Variants in CYP27C1 observed in about 807,000 individuals in gnomAD.
CYP27C1 encodes the protein cytochrome P450 family 27 subfamily C member 1.
Under a neutral mutation model 40.6 loss-of-function variants are expected in CYP27C1, and 29 were observed. The observed-to-expected ratio is 0.71, with a 90% confidence interval of 0.53 to 0.97. CYP27C1 has a LOEUF of 0.97. Ranked by LOEUF, CYP27C1 falls within the 50% of genes least tolerant of loss-of-function variation. The pLI is 0.00. For missense variants in CYP27C1, 390 were observed against 485.8 expected (o/e 0.80, Z 1.85); for synonymous variants, 198 against 186.8 (o/e 1.06, Z -0.49).
At position 127,195,364 on chromosome 2, in the gene CYP27C1, C is replaced by G; in HGVS notation, c.1185G>C (p.Leu395=). The G allele has an allele frequency of 6.2e-7, 1 of 1,614,156 alleles. No individual in the cohort carries two copies. The highest frequency in any genetic ancestry group is 1.1e-5 in the South Asian group (1 of 91,074). ...GGGTTTCCTTAAGGAGAGCTCTGACCAGCGGGACCTTGGGGACATCAGCTG... is the reference window on the plus strand; with the variant it reads ...GGGTTTCCTTAAGGAGAGCTCTGACGAGCGGGACCTTGGGGACATCAGCTG... The part of the protein sequence containing the change: ...PTAADVPKVP[L]VRALLKETLR... Residue 395 remains leucine, a synonymous_variant, in exon 6 of 9, where the codon CTG becomes CTC. Coordinates refer to ENST00000664447, the MANE Select transcript of CYP27C1 (RefSeq NM_001367502.1). This position sits in a 1 kb window ranked among gnomAD's most constrained non-coding sequence, Gnocchi z 6.2.
At position 127,200,777 on chromosome 2, in the gene CYP27C1, A is replaced by G. The variant is rs1683013564; in HGVS notation, c.883+345T>C. ...GGAATTCAAGACCAGCCTGGCCAAC[A>G]TGGTGAAACCCCATCTCTACTAAAA... On this transcript the variant is annotated intron_variant, in intron 4 of 8. Transcript: ENST00000664447. This position sits in a 1 kb window ranked among gnomAD's most constrained non-coding sequence, Gnocchi z 4.2. Among the ~76,000 whole-genome samples the G allele has an allele frequency of 6.6e-6, 1 of 152,142 alleles. No individual in the cohort carries two copies. Among genetic ancestry groups the G allele is most frequent in the Admixed American group, 6.5e-5 (1 of 15,270 alleles).
rs1682603937 is a variant in CYP27C1 at position 127,185,499 on chromosome 2, G to C, written c.*1772C>G. 6.6e-6 allele frequency: 1 copy of C among 152,132 alleles called. No homozygotes were observed. 9.4% of individuals were successfully genotyped at this position (152,132 alleles called of 1,614,324 possible). A position where few individuals can be genotyped will look rare whatever the true frequency, so the allele number is the denominator to read the frequency against. On this transcript the variant is annotated 3_prime_UTR_variant, in exon 9 of 9. Transcript: ENST00000664447. This position sits in a 1 kb window ranked among gnomAD's most constrained non-coding sequence, Gnocchi z 4.9. The stretch of plus-strand genomic sequence containing the variant: ...CTCAAACAGAATGCAATTTCATCTA[G>C]TTTATAAAACTTAATATACGTATAC...
chr2:127,217,155 A>C (rs1457115781), intron 1 of CYP27C1, among the ~76,000 whole-genome samples: 1 of 152,216 alleles, frequency 6.6e-6, no homozygotes, highest in Admixed American at 6.5e-5. Flanking sequence ...GAAATGATAC[A>C]GATAGTTTTC....
Position 127,195,439 on chromosome 2 carries a change from C to T in CYP27C1, c.1110G>A (p.Thr370=), listed in dbSNP as rs147403081. 1.4e-5 allele frequency: 22 copies of T among 1,614,116 alleles called. No homozygotes were observed. The East Asian group carries it at 2.2e-4, about 16-fold the overall frequency. Residue 370 remains threonine, a synonymous_variant, in exon 6 of 9, where the codon ACG becomes ACA. Coordinates refer to ENST00000664447, the MANE Select transcript of CYP27C1 (RefSeq NM_001367502.1). This position sits in a 1 kb window ranked among gnomAD's most constrained non-coding sequence, Gnocchi z 6.2. The stretch of plus-strand genomic sequence containing the variant: ...AATTCTTCACAATCTCCCGGTACAC[C>T]GTCTGCTGCACTTCTGGGTGCCTTG... ...LLARHPEVQQ[T]VYREIVKNLG...
rs2104667634 is a variant in CYP27C1 at position 127,185,931 on chromosome 2, A to C, written c.*1340T>G. 6.6e-6 allele frequency: 1 copy of C among 152,342 alleles called. No homozygotes were observed. Among genetic ancestry groups the C allele is most frequent in the East Asian group, 1.9e-4 (1 of 5,188 alleles). The allele number at this position is 152,342 out of a possible 1,614,324, so 9.4% of individuals were successfully genotyped here. ...ACTCCTCAGGACCCAGCACTCCCGG[A>C]GCCACGGCTTCCCAGAGAGCCTGGC... On this transcript the variant is annotated 3_prime_UTR_variant, in exon 9 of 9. Coordinates refer to ENST00000664447, the MANE Select transcript of CYP27C1 (RefSeq NM_001367502.1). The surrounding 1 kb of genome is among the most constrained non-coding windows in gnomAD (Gnocchi z 4.9).
chr2:127,220,104 C>G lies in CYP27C1; in HGVS notation c.167G>C (p.Gly56Ala), dbSNP rs1256363447. The change falls in exon 1 of 9, where the codon GGA becomes GCA. Residue 56 changes from glycine (G) to alanine (A), a missense_variant. By Grantham distance (60) the Gly-to-Ala change is moderately conservative (BLOSUM62 0). Transcript: ENST00000664447. This position sits in a 1 kb window ranked among gnomAD's most constrained non-coding sequence, Gnocchi z 4.6. The stretch of plus-strand genomic sequence containing the variant: ...CCGGGGACCCTCGGCTCGGCCCCCT[C>G]CCGGCGGCGACCCCGGCCGCCCGGC... ...KGAGRPGSPP[G>A]GGRAEGPRSL... 6.6e-6 allele frequency: 1 copy of G among 150,944 alleles called. No individual in the cohort carries two copies. Among genetic ancestry groups the G allele is most frequent in the African/African-American group, 2.4e-5 (1 of 41,292 alleles). The allele number at this position is 150,944 out of a possible 1,614,324, so 9.4% of individuals were successfully genotyped here. A position where few individuals can be genotyped will look rare whatever the true frequency, so the allele number is the denominator to read the frequency against.
rs183018394 is a variant in CYP27C1 at position 127,204,543 on chromosome 2, G to A, written c.474-972C>T. On this transcript the variant is annotated intron_variant, in intron 2 of 8. Transcript: ENST00000664447. ...AAAGAAAGAAAGAAAGAAAGAGAGA[G>A]AGAGAGAGAGAGAGAAAGAAAGAAA... 6.9e-3 allele frequency among the ~76,000 whole-genome samples: 380 copies of A among 54,894 alleles called. 14 individuals are homozygous for A. The highest frequency in any genetic ancestry group is 0.011 in the Admixed American group (41 of 3,900). 36.0% of individuals were successfully genotyped at this position (54,894 alleles called of 152,430 possible).
chr2:127,197,146 G>C (rs1302576122), intron 5 of CYP27C1, among the ~76,000 whole-genome samples: 1 of 152,182 alleles, frequency 6.6e-6, no homozygotes, highest in Admixed American at 6.6e-5. Flanking sequence ...CAGCGACGAA[G>C]CCATTCATTG....
At chr2:127,204,547 G>GAAAGAAAGAA (rs1307427882) in intron 2 of CYP27C1, among the ~76,000 whole-genome samples, 8 of 64,850 alleles carry the variant, frequency 1.2e-4, no homozygotes, top group African/African-American at 4.4e-4. Context: ...GAGAGAGAGA[G>GAAAGAAAGAA]AGAGAGAGAG....
chr2:127,208,236 A>G lies in CYP27C1; in HGVS notation c.283-2146T>C, dbSNP rs533041661. Among the ~76,000 whole-genome samples, 183 of 152,304 alleles carry G rather than the reference A, an allele frequency of 1.2e-3. No individual in the cohort carries two copies. The highest frequency in any genetic ancestry group is 4.3e-3 in the African/African-American group (178 of 41,572). ...AAGGCTGGCATAACCCACGGAGAGA[A>G]GGAAGAACAGTGTAGTGCAGTGGCC... On this transcript the variant is annotated intron_variant, in intron 1 of 8. Coordinates refer to ENST00000664447, the MANE Select transcript of CYP27C1 (RefSeq NM_001367502.1). This position sits in a 1 kb window ranked among gnomAD's most constrained non-coding sequence, Gnocchi z 5.2.
Position 127,203,587 on chromosome 2 carries a change from G to C in CYP27C1, c.474-16C>G. The C allele has an allele frequency of 6.2e-7, 1 of 1,601,066 alleles. No homozygotes were observed. The highest frequency in any genetic ancestry group is 8.5e-7 in the Non-Finnish European group (1 of 1,176,650). On this transcript the variant is annotated splice_polypyrimidine_tract_variant and intron_variant, in intron 2 of 8. Transcript: ENST00000664447. ...TTCACCCTCCCTAGAAGAATCAAGTGAGTTTCAAATCATCTTACTTACACT... is the reference window on the plus strand; with the variant it reads ...TTCACCCTCCCTAGAAGAATCAAGTCAGTTTCAAATCATCTTACTTACACT...
At chr2:127,204,005 C>CT (rs1491126707) in intron 2 of CYP27C1, among the ~76,000 whole-genome samples, 1 of 151,750 alleles carries the variant, frequency 6.6e-6, no homozygotes, top group Admixed American at 6.6e-5. Flanking sequence ...TGGCTCATGC[C>CT]TGTAATCCCA....
At chr2:127,199,346 G>C in intron 5 of CYP27C1, 30 bp downstream of exon 5, 2 of 1,609,114 alleles carry the variant, frequency 1.2e-6, no homozygotes, top group Non-Finnish European at 1.7e-6. Context: ...ATCGTGTGTT[G>C]CTTGCTGAGA....
rs1230418934 is a variant in CYP27C1 at position 127,209,481 on chromosome 2, C to T, written c.283-3391G>A. 1.3e-5 allele frequency among the ~76,000 whole-genome samples: 2 copies of T among 152,166 alleles called. No homozygotes were observed. The highest frequency in any genetic ancestry group is 2.4e-5 in the African/African-American group (1 of 41,442). ...TCCTCCAAATAATCACAATGTCTCT[C>T]CATCAAGAGCACAGAACTGGATGGA... On this transcript the variant is annotated intron_variant, in intron 1 of 8. Transcript: ENST00000664447. The surrounding 1 kb of genome is among the most constrained non-coding windows in gnomAD (Gnocchi z 4.1).
chr2:127,219,000 G>A lies in CYP27C1; in HGVS notation c.282+989C>T, dbSNP rs1683495561. Among the ~76,000 whole-genome samples the A allele has an allele frequency of 1.3e-5, 2 of 152,092 alleles. No individual in the cohort carries two copies. The highest frequency in any genetic ancestry group is 4.1e-4 in the South Asian group (2 of 4,826). On this transcript the variant is annotated intron_variant, in intron 1 of 8. Coordinates refer to ENST00000664447, the MANE Select transcript of CYP27C1 (RefSeq NM_001367502.1). The surrounding 1 kb of genome is among the most constrained non-coding windows in gnomAD (Gnocchi z 6.0). Reference sequence around the variant, plus strand: ...CCCCAACGCCCTAGCGGGTGGCTGGGACCCCTGGGTTCCTCCCACGTCCCT... The same window carrying A: ...CCCCAACGCCCTAGCGGGTGGCTGGAACCCCTGGGTTCCTCCCACGTCCCT...
chr2:127,199,338 C>G (rs116546951), intron 5 of CYP27C1, 38 bp downstream of exon 5: 58 of 1,605,990 alleles, frequency 3.6e-5, no homozygotes, highest in Admixed American at 1.8e-4. Context: ...AAGGGGTTAT[C>G]GTGTGTTGCT....
rs375073806 is a variant in CYP27C1 at position 127,204,500 on chromosome 2, G to A, written c.474-929C>T. Among the ~76,000 whole-genome samples, 579 of 81,886 alleles carry A rather than the reference G, an allele frequency of 7.1e-3. 41 individuals carry two copies. Among genetic ancestry groups the A allele is most frequent in the African/African-American group, 0.015 (333 of 22,806 alleles). The allele number at this position is 81,886 out of a possible 152,430, so 53.7% of individuals were successfully genotyped here. A position where few individuals can be genotyped will look rare whatever the true frequency, so the allele number is the denominator to read the frequency against. ...AGAAAGAAAGAAAGGAAGGAAGGAAGGAAGGAAAGAAAGAAGGAAAGAAAG... is the reference window on the plus strand; with the variant it reads ...AGAAAGAAAGAAAGGAAGGAAGGAAAGAAGGAAAGAAAGAAGGAAAGAAAG... On this transcript the variant is annotated intron_variant, in intron 2 of 8. Transcript: ENST00000664447.
intron 2 of CYP27C1, among the ~76,000 whole-genome samples, chr2:127,204,611 A>G (rs973199291): frequency 1.9e-5 from 2 of 103,340 alleles, no homozygotes; most frequent in Admixed American, 1.2e-4. Flanking sequence ...GAAAGAAAGA[A>G]AGAAAGAAAG....
chr2:127,193,956 C>A, intron 6 of CYP27C1, 89 bp from the exon 7 acceptor site: 2 of 1,416,014 alleles, frequency 1.4e-6, no homozygotes, highest in Non-Finnish European at 2.0e-6. Flanking sequence ...ATTCCCATTT[C>A]CATTAAAAAT....
Sources: gnomAD v4.1 joint callset for allele counts (sites outside exome capture counted in the v4.1 genomes callset) on GRCh38, gnomAD v4.1.1 for gene constraint, Gnocchi (gnomAD v3.1) non-coding constraint, MANE v1.5 for transcripts, NCBI Gene and HGNC (gene_info 2026-07-23, HGNC 2026-07-21) for gene names.